DICER1: variants seen among roughly 807,000 people sequenced by gnomAD.
DICER1 encodes the protein endoribonuclease Dicer.
In DICER1, 43 loss-of-function variants were observed where a neutral mutation model predicts 194.1. The ratio of observed to expected loss-of-function variants is 0.22; its 90% CI spans 0.17 to 0.29. The LOEUF (loss-of-function observed/expected upper bound fraction) is 0.29, where lower values mean the gene tolerates loss of function less well. DICER1 is among the 10% of genes least tolerant of loss of function. The pLI, the probability that DICER1 is intolerant of heterozygous loss-of-function variation, is 1.00. For missense variants in DICER1, 1,608 were observed against 2,317.0 expected (o/e 0.69, Z 6.28); for synonymous variants, 832 against 820.5 (o/e 1.01, Z -0.24).
At chr14:95,090,796 C>A (rs534721039) in intron 26 of DICER1, 133 bp from the exon 27 acceptor site, 3 of 1,144,372 alleles carry the variant, frequency 2.6e-6, no homozygotes, top group East Asian at 4.8e-5. Flanking sequence ...ACACGCGTTA[C>A]GACTTACTGC....
chr14:95,136,086 TACAC>T (rs144415862), intron 1 of DICER1, among the ~76,000 whole-genome samples: 6,705 of 146,576 alleles, frequency 0.046, 200 homozygotes, highest in Non-Finnish European at 0.061. Flanking sequence ...TACATGTAGA[TACAC>T]ACACACACAC....
chr14:95,121,078 T>C (rs1034125466), intron 8 of DICER1, among the ~76,000 whole-genome samples: 1 of 152,140 alleles, frequency 6.6e-6, no homozygotes, highest in African/African-American at 2.4e-5. Context: ...GTCACCTCCA[T>C]GGTATTCTTC....
At chr14:95,153,948 C>G (rs1895679770) in intron 1 of DICER1, among the ~76,000 whole-genome samples, 1 of 152,176 alleles carries the variant, frequency 6.6e-6, no homozygotes, top group African/African-American at 2.4e-5. Flanking sequence ...GCAAAGAAAC[C>G]TGTGAATAAG....
intron 8 of DICER1, among the ~76,000 whole-genome samples, chr14:95,119,158 A>C (rs1050826109): frequency 2.1e-4 from 32 of 152,238 alleles, no homozygotes; most frequent in Admixed American, 2.1e-3. Flanking sequence ...AATATAATAG[A>C]GATTTAGAAT....
Position 95,095,852 on chromosome 14 carries a change from C to G in DICER1, c.5068G>C (p.Ala1690Pro), listed in dbSNP as rs2139837507. 3 of 1,614,158 alleles carry G rather than the reference C, an allele frequency of 1.9e-6. No individual in the cohort carries two copies. Among genetic ancestry groups the G allele is most frequent in the Non-Finnish European group, 2.5e-6 (3 of 1,180,022 alleles). The change falls in exon 23 of 27, where the codon GCC becomes CCC. Residue 1690 changes from alanine (A) to proline (P), a missense_variant. Physicochemically the swap from Ala to Pro is conservative, Grantham distance 27 (BLOSUM62 -1). Transcript: ENST00000343455. The part of the protein sequence containing the change: ...KAYLLQAFTH[A>P]SYHYNTITDC... ...GTGATAGTATTGTAGTGGTAGGAGG[C>G]ATGTGTAAAAGCCTGGAGAAGGTAA...
intron 13 of DICER1, among the ~76,000 whole-genome samples, chr14:95,111,822 T>G (rs1351703084): frequency 6.6e-6 from 1 of 151,690 alleles, no homozygotes; most frequent in African/African-American, 2.4e-5. Flanking sequence ...AAAGGATTAA[T>G]TTCTATACTA....
intron 1 of DICER1, among the ~76,000 whole-genome samples, chr14:95,136,017 T>C (rs901323470): frequency 1.3e-5 from 2 of 151,050 alleles, no homozygotes; most frequent in East Asian, 1.9e-4. Flanking sequence ...ACTGAAGTAT[T>C]TAGGGGTAAA....
intron 21 of DICER1, among the ~76,000 whole-genome samples, chr14:95,102,681 G>GACT (rs1470876490): frequency 1.4e-5 from 2 of 142,422 alleles, no homozygotes; most frequent in Non-Finnish European, 3.0e-5. Context: ...TGCCTTGTGA[G>GACT]ACTTTTTTCC....
chr14:95,087,692 A>C lies in DICER1; in HGVS notation c.*2806T>G, dbSNP rs1338597609. The C allele has an allele frequency of 4.3e-6, 1 of 233,172 alleles. No homozygotes were observed. Among genetic ancestry groups the C allele is most frequent in the African/African-American group, 2.2e-5 (1 of 45,356 alleles). The allele number at this position is 233,172 out of a possible 1,614,324, so 14.4% of individuals were successfully genotyped here. A position where few individuals can be genotyped will look rare whatever the true frequency, so the allele number is the denominator to read the frequency against. On this transcript the variant is annotated 3_prime_UTR_variant, in exon 27 of 27. Coordinates refer to ENST00000343455, the MANE Select transcript of DICER1 (RefSeq NM_177438.3). ...ACTGCGGAAAGCATATTATAAAAGA[A>C]ATTTTAAAAAATTTACAAATGAAGG...
intron 23 of DICER1, 127 bp downstream of exon 23, chr14:95,095,698 C>T (rs1330603922): frequency 1.6e-5 from 16 of 1,015,906 alleles, no homozygotes; most frequent in Non-Finnish European, 1.3e-5. Context: ...TTTTGTTCCC[C>T]GCCCCATCCC....
intron 14 of DICER1, among the ~76,000 whole-genome samples, chr14:95,110,767 G>A (rs1891886059): frequency 6.6e-6 from 1 of 152,180 alleles, no homozygotes. Flanking sequence ...ATGCTTTCAT[G>A]TGTGAACTCT....
intron 22 of DICER1, 121 bp downstream of exon 22, chr14:95,099,659 C>T: frequency 8.4e-6 from 11 of 1,308,012 alleles, no homozygotes; most frequent in Non-Finnish European, 1.1e-5. Flanking sequence ...CTATTATAAA[C>T]ATACCAAGAA....
In DICER1 at chr14:95,105,366, A is replaced by C; in HGVS notation, c.3094-120T>G. 1 of 974,240 alleles carries C rather than the reference A, an allele frequency of 1.0e-6. No individual in the cohort carries two copies. Among genetic ancestry groups the C allele is most frequent in the South Asian group, 1.4e-5 (1 of 69,228 alleles). The allele number at this position is 974,240 out of a possible 1,614,324, so 60.3% of individuals were successfully genotyped here. Reference sequence around the variant, plus strand: ...TAAATGCTAGTAAAACTTAATTTTAAAAAATATTTGTAAAAATAATCCTCT... The same window carrying C: ...TAAATGCTAGTAAAACTTAATTTTACAAAATATTTGTAAAAATAATCCTCT... On this transcript the variant is annotated intron_variant, in intron 19 of 26. Transcript: ENST00000343455. This position sits in a 1 kb window ranked among gnomAD's most constrained non-coding sequence, Gnocchi z 4.9.
rs764415288 is a variant in DICER1 at position 95,103,674 on chromosome 14, T to C, written c.3722A>G (p.Lys1241Arg). The change falls in exon 21 of 27, where the codon AAA becomes AGA. Residue 1241 changes from lysine (K) to arginine (R), a missense_variant. Physicochemically the swap from Lys to Arg is conservative, Grantham distance 26. Transcript: ENST00000343455. ...TTTGTTAGCATTTCCATCAAGGTAT[T>C]TATTACTCAGGAGAGTACATTCATC... ...PSDECTLLSNKYLDGNANKST... is the reference protein window; with the variant it reads ...PSDECTLLSNRYLDGNANKST... The C allele has an allele frequency of 2.7e-5, 44 of 1,614,102 alleles. No individual in the cohort carries two copies. The highest frequency in any genetic ancestry group is 3.7e-5 in the Non-Finnish European group (44 of 1,180,032).
chr14:95,127,270 C>T (rs2140240068), intron 6 of DICER1, among the ~76,000 whole-genome samples: 1 of 152,284 alleles, frequency 6.6e-6, no homozygotes, highest in African/African-American at 2.4e-5. Flanking sequence ...ATTTATAGGT[C>T]TAACTCCAAA....
At chr14:95,130,014 C>A in intron 5 of DICER1, 44 bp downstream of exon 5, 1 of 1,589,924 alleles carries the variant, frequency 6.3e-7, no homozygotes, top group South Asian at 1.1e-5. Context: ...TGCATTTACT[C>A]AATAGTTTAC....
At chr14:95,130,273 T>A (rs1005955531) in intron 4 of DICER1, 81 bp from the exon 5 acceptor site, 4 of 1,381,968 alleles carry the variant, frequency 2.9e-6, no homozygotes, top group Non-Finnish European at 1.0e-6. Context: ...CATAGAGCCA[T>A]TGTATCATAA....
chr14:95,086,247 T>C lies in DICER1; in HGVS notation c.*4251A>G, dbSNP rs1281310132. ...ACAAAGTGAACAGACGATAACTTTA[T>C]TGGAGATTTACTTGGCTACAATTAT... On this transcript the variant is annotated 3_prime_UTR_variant, in exon 27 of 27. Transcript: ENST00000343455. 4.3e-6 allele frequency: 1 copy of C among 232,244 alleles called. No homozygotes were observed. The highest frequency in any genetic ancestry group is 2.2e-5 in the African/African-American group (1 of 45,290). The allele number at this position is 232,244 out of a possible 1,614,324, so 14.4% of individuals were successfully genotyped here. A position where few individuals can be genotyped will look rare whatever the true frequency, so the allele number is the denominator to read the frequency against.
intron 22 of DICER1, among the ~76,000 whole-genome samples, chr14:95,099,253 A>T (rs1007173596): frequency 1.3e-5 from 2 of 152,016 alleles, no homozygotes; most frequent in African/African-American, 4.8e-5. Context: ...TTCTTAAGTC[A>T]CTGGCAAGAT....
Sources: allele counts gnomAD v4.1 joint callset (sites outside exome capture counted in the v4.1 genomes callset), GRCh38; gene constraint gnomAD v4.1.1; non-coding constraint Gnocchi (gnomAD v3.1); transcripts MANE v1.5; gene names NCBI Gene and HGNC (gene_info 2026-07-23, HGNC 2026-07-21).